SRRM3: variants seen among roughly 807,000 people sequenced by gnomAD.
SRRM3 encodes serine/arginine repetitive matrix protein 3.
SRRM3 carries 27 observed loss-of-function variants against 66.2 expected under a neutral mutation model. That is an observed-to-expected ratio of 0.41 (90% CI 0.30 to 0.56). The LOEUF (loss-of-function observed/expected upper bound fraction) is 0.56, where lower values mean the gene tolerates loss of function less well. SRRM3 is among the 20% of genes least tolerant of loss of function. The probability of loss-of-function intolerance (pLI) is 0.32; values close to 1 mark genes in which losing one functional copy is unlikely to be tolerated. For synonymous variants in SRRM3, 391 were observed against 414.9 expected (o/e 0.94, Z 0.70); for missense variants, 918 against 991.9 (o/e 0.93, Z 1.00).
chr7:76,216,419 G>A (rs1005366333), intron 1 of SRRM3, among the ~76,000 whole-genome samples: 1 of 152,220 alleles, frequency 6.6e-6, no homozygotes, highest in Non-Finnish European at 1.5e-5. Flanking sequence ...TTACATGCAT[G>A]AGCCACTGAG....
At chr7:76,246,880 C>T (rs574065671) in intron 2 of SRRM3, among the ~76,000 whole-genome samples, 2 of 152,328 alleles carry the variant, frequency 1.3e-5, no homozygotes, top group African/African-American at 4.8e-5. Context: ...CTGGCACCTC[C>T]CATTTCCCAG....
intron 1 of SRRM3, among the ~76,000 whole-genome samples, chr7:76,224,853 T>C (rs1800816766): frequency 6.6e-6 from 1 of 152,106 alleles, no homozygotes; most frequent in African/African-American, 2.4e-5. Flanking sequence ...TTAGAGGTAA[T>C]TGACATTGAG....
chr7:76,284,231 A>G (rs1802603152), intron 14 of SRRM3, among the ~76,000 whole-genome samples: 1 of 149,450 alleles, frequency 6.7e-6, no homozygotes, highest in Non-Finnish European at 1.5e-5. Context: ...CTGGAGTGCA[A>G]TGGTGCAATC....
chr7:76,228,148 G>A (rs1288231316), intron 1 of SRRM3, among the ~76,000 whole-genome samples: 4 of 152,192 alleles, frequency 2.6e-5, no homozygotes, highest in East Asian at 3.9e-4. Flanking sequence ...GGGATTACAG[G>A]TGCAAGCCAC....
chr7:76,234,930 G>A (rs1801104037), intron 1 of SRRM3, 98 bp from the exon 2 acceptor site: 3 of 718,302 alleles, frequency 4.2e-6, no homozygotes, highest in South Asian at 1.9e-5. Flanking sequence ...AGAGCCATGA[G>A]TGTGCCCTTA....
At chr7:76,232,084 C>T (rs574275075) in intron 1 of SRRM3, among the ~76,000 whole-genome samples, 79 of 152,296 alleles carry the variant, frequency 5.2e-4, no homozygotes, top group Non-Finnish European at 1.1e-3. Flanking sequence ...ATGTATTCCT[C>T]TCTCTTGCCT....
At chr7:76,284,712 A>C (rs559162480) in intron 14 of SRRM3, among the ~76,000 whole-genome samples, 109 of 151,964 alleles carry the variant, frequency 7.2e-4, no homozygotes, top group African/African-American at 2.4e-3. Context: ...CTCCTCCTCC[A>C]CTAACGTACA....
Position 76,267,383 on chromosome 7 carries a change from A to T in SRRM3, c.956A>T (p.Gln319Leu). Residue 319 changes from glutamine to leucine, a missense_variant, in exon 11 of 15, where the codon CAG becomes CTG. Transcript: ENST00000611745. ...GSPQRNGGSG[Q>L]RSGAHGGRPG... Reference sequence around the variant, plus strand: ...CCCCAGCGGAACGGCGGCAGCGGGCAGCGGAGCGGAGCGCACGGGGGCCGC... The same window carrying T: ...CCCCAGCGGAACGGCGGCAGCGGGCTGCGGAGCGGAGCGCACGGGGGCCGC... 1.4e-6 allele frequency: 2 copies of T among 1,420,278 alleles called. No homozygotes were observed. The highest frequency in any genetic ancestry group is 3.1e-5 in the South Asian group (2 of 64,922). The allele number at this position is 1,420,278 out of a possible 1,614,324, so 88.0% of individuals were successfully genotyped here. A position where few individuals can be genotyped will look rare whatever the true frequency, so the allele number is the denominator to read the frequency against.
intron 1 of SRRM3, among the ~76,000 whole-genome samples, chr7:76,234,483 C>T (rs1048149487): frequency 2.1e-4 from 32 of 152,274 alleles, no homozygotes; most frequent in Middle Eastern, 3.4e-3. Context: ...GAGCTAAAAT[C>T]TGCCTCTGGG....
At position 76,248,270 on chromosome 7, in the gene SRRM3, G is replaced by T. The variant is rs782038402; in HGVS notation, c.316G>T (p.Asp106Tyr). Reference sequence around the variant, plus strand: ...GAAGGAGGGAGTGCTCACCAGGGAGGACCGGCCTGGGGGCCACATGTGAGT... The same window carrying T: ...GAAGGAGGGAGTGCTCACCAGGGAGTACCGGCCTGGGGGCCACATGTGAGT... ...MEKEGVLTRE[D>Y]RPGGHIVAET... The change falls in exon 3 of 15, where the codon GAC becomes TAC. Residue 106 changes from aspartate (D) to tyrosine (Y), a missense_variant. Transcript: ENST00000611745. 6.2e-7 allele frequency: 1 copy of T among 1,613,722 alleles called. No individual in the cohort carries two copies. Among genetic ancestry groups the T allele is most frequent in the East Asian group, 2.2e-5 (1 of 44,868 alleles).
chr7:76,256,716 C>CTTT (rs781795981), intron 3 of SRRM3, among the ~76,000 whole-genome samples: 1 of 133,644 alleles, frequency 7.5e-6, no homozygotes, highest in African/African-American at 2.7e-5. Flanking sequence ...GCTTCTTTTT[C>CTTT]TTTTTTTTTT....
At chr7:76,202,411 G>A (rs781861154) in intron 1 of SRRM3, among the ~76,000 whole-genome samples, 1 of 152,176 alleles carries the variant, frequency 6.6e-6, no homozygotes, top group Non-Finnish European at 1.5e-5. Context: ...GAGGACCGAT[G>A]CAGTAACCCT....
intron 11 of SRRM3, among the ~76,000 whole-genome samples, chr7:76,278,518 G>A (rs1318154225): frequency 6.6e-6 from 1 of 151,782 alleles, no homozygotes; most frequent in Non-Finnish European, 1.5e-5. Flanking sequence ...ATGAAAGAGG[G>A]GCCAATCCAG....
chr7:76,244,423 G>A (rs1250629433), intron 2 of SRRM3, among the ~76,000 whole-genome samples: 1 of 151,276 alleles, frequency 6.6e-6, no homozygotes, highest in African/African-American at 2.4e-5. Context: ...TACCCGGGAA[G>A]CTAAGGAGGA....
At chr7:76,264,181 T>TTC (rs1801953526) in intron 8 of SRRM3, among the ~76,000 whole-genome samples, 1 of 150,316 alleles carries the variant, frequency 6.7e-6, no homozygotes, top group South Asian at 2.1e-4. Flanking sequence ...TTTTTTTTTT[T>TTC]CCTGAGACGG....
intron 12 of SRRM3, 121 bp downstream of exon 12, chr7:76,281,923 C>A (rs1260553468): frequency 1.0e-4 from 75 of 733,084 alleles, no homozygotes; most frequent in Non-Finnish European, 1.3e-4. Context: ...GGGATCCCAA[C>A]CCCCTCCCAC....
chr7:76,242,929 G>T (rs903630402), intron 2 of SRRM3, among the ~76,000 whole-genome samples: 1 of 152,068 alleles, frequency 6.6e-6, no homozygotes, highest in Admixed American at 6.6e-5. Context: ...GTGCAGCCTG[G>T]TTCCTAATAG....
At chr7:76,271,448 G>A (rs1485943898) in intron 11 of SRRM3, among the ~76,000 whole-genome samples, 1 of 152,060 alleles carries the variant, frequency 6.6e-6, no homozygotes, top group Non-Finnish European at 1.5e-5. Context: ...CTGTACTCCA[G>A]CCTGGGCAAC....
At chr7:76,263,877 CAAAAAAAAAAAAAA>C (rs781852712) in intron 8 of SRRM3, among the ~76,000 whole-genome samples, 10 of 49,530 alleles carry the variant, frequency 2.0e-4, no homozygotes, top group African/African-American at 4.8e-4. Flanking sequence ...TGTCTCAAGA[CAAAAAAAAAAAAAA>C]AAAAAAAAAA....
Sources: gnomAD v4.1 joint callset for allele counts (sites outside exome capture counted in the v4.1 genomes callset) on GRCh38, gnomAD v4.1.1 for gene constraint, MANE v1.5 for transcripts, NCBI Gene and HGNC (gene_info 2026-07-23, HGNC 2026-07-21) for gene names.